APBA1: variants seen among roughly 807,000 people sequenced by gnomAD.
APBA1 encodes amyloid-beta A4 precursor protein-binding family A member 1.
A neutral mutation model predicts 86.6 loss-of-function variants in APBA1; 55 were observed. The ratio of observed to expected loss-of-function variants is 0.64; its 90% CI spans 0.51 to 0.80. The LOEUF is 0.80. Ranked by LOEUF, APBA1 falls within the 30% of genes least tolerant of loss-of-function variation. The pLI is 0.00. For synonymous variants in APBA1, 511 were observed against 493.9 expected, an observed-to-expected ratio of 1.03 and a Z score of -0.46; for missense variants, 1,090 against 1,183.0, an observed-to-expected ratio of 0.92 and a Z score of 1.15.
intron 1 of APBA1, among the ~76,000 whole-genome samples, chr9:69,521,631 A>G (rs1836253587): frequency 6.6e-6 from 1 of 152,210 alleles, no homozygotes. Flanking sequence ...AGGTAATACA[A>G]AACAGAGTAA....
At chr9:69,577,761 A>T (rs576762211) in intron 1 of APBA1, among the ~76,000 whole-genome samples, 2 of 152,224 alleles carry the variant, frequency 1.3e-5, no homozygotes, top group Non-Finnish European at 2.9e-5. Context: ...AGCCACTTAA[A>T]ATCATCTGGC....
chr9:69,632,465 T>G (rs1299666286), intron 1 of APBA1, among the ~76,000 whole-genome samples: 1 of 152,182 alleles, frequency 6.6e-6, no homozygotes, highest in African/African-American at 2.4e-5. Context: ...AGACTGTGTA[T>G]GGAGGACCTA....
intron 2 of APBA1, among the ~76,000 whole-genome samples, chr9:69,485,318 C>T (rs547344709): frequency 6.6e-6 from 1 of 152,060 alleles, no homozygotes; most frequent in Non-Finnish European, 1.5e-5. Context: ...GAAGCCTAAA[C>T]AATGGTGTTA....
In APBA1 at chr9:69,585,508, G is replaced by A. The variant is rs146776681; in HGVS notation, c.-69-68229C>T. Among the ~76,000 whole-genome samples, 910 of 152,290 alleles carry A rather than the reference G, an allele frequency of 6.0e-3. 8 individuals carry two copies. The highest frequency in any genetic ancestry group is 0.021 in the African/African-American group (865 of 41,566). ...TGCCTCATGGGCCAGACAAAGCTGT[G>A]GCTTTGAGTCCCAGCTTCTGCATCT... On this transcript the variant is annotated intron_variant, in intron 1 of 12. Transcript: ENST00000265381.
At position 69,436,575 on chromosome 9, in the gene APBA1, CTGTT is replaced by C. The variant is rs541601215; in HGVS notation, c.2302-3903_2302-3900del. On this transcript the variant is annotated intron_variant, in intron 11 of 12. Transcript: ENST00000265381. Reference sequence around the variant, plus strand: ...GGGAGTTCACTCATGATTTGGCTCTCTGTTTGTTGTTGGTGTATAAGAATGCTTG... The same window carrying C: ...GGGAGTTCACTCATGATTTGGCTCTCTGTTGTTGGTGTATAAGAATGCTTG... 5.8e-3 allele frequency among the ~76,000 whole-genome samples: 586 copies of C among 101,724 alleles called. 18 individuals are homozygous for C. Among genetic ancestry groups the C allele is most frequent in the African/African-American group, 0.02 (532 of 26,596 alleles). The allele number at this position is 101,724 out of a possible 152,430, so 66.7% of individuals were successfully genotyped here.
intron 1 of APBA1, among the ~76,000 whole-genome samples, chr9:69,541,835 A>C (rs1245398620): frequency 1.3e-5 from 2 of 152,098 alleles, no homozygotes; most frequent in Non-Finnish European, 2.9e-5. Context: ...TAAAACTTTA[A>C]AAGTAATTTA....
chr9:69,534,802 A>G (rs1297482753), intron 1 of APBA1, among the ~76,000 whole-genome samples: 1 of 152,190 alleles, frequency 6.6e-6, no homozygotes, highest in Non-Finnish European at 1.5e-5. Flanking sequence ...TATACGATAT[A>G]TCACAATTTA....
At chr9:69,567,802 G>A (rs992815619) in intron 1 of APBA1, among the ~76,000 whole-genome samples, 2 of 152,102 alleles carry the variant, frequency 1.3e-5, no homozygotes, top group African/African-American at 4.8e-5. Context: ...GACATCCTGT[G>A]GGGGACTCCC....
chr9:69,618,380 G>A (rs1461330389), intron 1 of APBA1, among the ~76,000 whole-genome samples: 1 of 152,196 alleles, frequency 6.6e-6, no homozygotes, highest in African/African-American at 2.4e-5. Flanking sequence ...ATGCACAAGA[G>A]ACACTGTTCT....
At chr9:69,654,972 T>C (rs559981749) in intron 1 of APBA1, among the ~76,000 whole-genome samples, 2 of 152,334 alleles carry the variant, frequency 1.3e-5, no homozygotes, top group Admixed American at 1.3e-4. Context: ...ATCATTTTAA[T>C]AGATACAGAA....
intron 2 of APBA1, among the ~76,000 whole-genome samples, chr9:69,487,476 A>C (rs1835630334): frequency 6.6e-6 from 1 of 152,056 alleles, no homozygotes; most frequent in African/African-American, 2.4e-5. Flanking sequence ...GTAATGTGCT[A>C]AGTTTGAGTG....
intron 11 of APBA1, among the ~76,000 whole-genome samples, chr9:69,440,516 G>A (rs1379789427): frequency 1.3e-5 from 2 of 152,078 alleles, no homozygotes; most frequent in African/African-American, 2.4e-5. Flanking sequence ...CTGCCACCTT[G>A]CAGTTTGATC....
At chr9:69,474,091 A>C (rs1835406280) in intron 3 of APBA1, among the ~76,000 whole-genome samples, 1 of 152,222 alleles carries the variant, frequency 6.6e-6, no homozygotes, top group Non-Finnish European at 1.5e-5. Context: ...TCAAGAATAA[A>C]TAAATAAAGT....
intron 1 of APBA1, among the ~76,000 whole-genome samples, chr9:69,611,049 TTTG>T (rs1201423890): frequency 6.6e-6 from 1 of 152,080 alleles, no homozygotes; most frequent in Non-Finnish European, 1.5e-5. Context: ...GTTGAAGTTT[TTTG>T]TTGTTGTTGT....
intron 2 of APBA1, among the ~76,000 whole-genome samples, chr9:69,514,417 C>G (rs1218699929): frequency 6.6e-6 from 1 of 151,998 alleles, no homozygotes; most frequent in Non-Finnish European, 1.5e-5. Flanking sequence ...ATGGTGAAAC[C>G]CCACTCCTAC....
rs191835560 is a variant in APBA1 at position 69,432,292 on chromosome 9, G to A, written c.2442+244C>T. ...AAGCTGAGTGTTAAAAAGAGAAGGT[G>A]AGCACATCAGATGAAAGAGAAGGCT... On this transcript the variant is annotated intron_variant, in intron 12 of 12. Coordinates refer to ENST00000265381, the MANE Select transcript of APBA1 (RefSeq NM_001163.4). Among the ~76,000 whole-genome samples, 348 of 152,360 alleles carry A rather than the reference G, an allele frequency of 2.3e-3. 2 individuals carry two copies. The highest frequency in any genetic ancestry group is 8.0e-3 in the African/African-American group (333 of 41,584).
chr9:69,491,630 A>G (rs1835712818), intron 2 of APBA1, among the ~76,000 whole-genome samples: 1 of 151,864 alleles, frequency 6.6e-6, no homozygotes, highest in South Asian at 2.1e-4. Flanking sequence ...AAAATCAATC[A>G]ACTCCTAAGA....
intron 2 of APBA1, 39 bp from the exon 3 acceptor site, chr9:69,476,182 A>C: frequency 6.8e-7 from 1 of 1,467,028 alleles, no homozygotes; most frequent in East Asian, 2.3e-5. Context: ...AGAACTTGAG[A>C]GACTCGGCAG....
At chr9:69,613,352 AT>A (rs1397693895) in intron 1 of APBA1, among the ~76,000 whole-genome samples, 1 of 151,730 alleles carries the variant, frequency 6.6e-6, no homozygotes, top group African/African-American at 2.4e-5. Flanking sequence ...TTCCTGCCAC[AT>A]TTTTTTTCCT....
Sources: gnomAD v4.1 joint callset for allele counts (sites outside exome capture counted in the v4.1 genomes callset) on GRCh38, gnomAD v4.1.1 for gene constraint, MANE v1.5 for transcripts, NCBI Gene and HGNC (gene_info 2026-07-23, HGNC 2026-07-21) for gene names.